CFDP1: variants seen among roughly 807,000 people sequenced by gnomAD.
CFDP1 encodes chromatin remodeling protein CFDP1, also known as heterochromatin-stabilizing protein CFDP1.
CFDP1 carries 31 observed loss-of-function variants against 40.1 expected under a neutral mutation model. The observed-to-expected ratio is 0.77, with a 90% confidence interval of 0.58 to 1.04. The LOEUF (loss-of-function observed/expected upper bound fraction) is 1.04. Ranked by LOEUF, CFDP1 falls within the 50% of genes least tolerant of loss-of-function variation. CFDP1 has a pLI of 0.00. For missense variants in CFDP1, 423 were observed against 343.4 expected (o/e 1.23, Z -1.83); for synonymous variants, 167 against 120.0 (o/e 1.39, Z -2.56).
At chr16:75,414,489 T>C (rs1218187779) in intron 2 of CFDP1, 89 bp downstream of exon 2, 1 of 773,792 alleles carries the variant, frequency 1.3e-6, no homozygotes, top group Non-Finnish European at 2.2e-6. Context: ...AACTCTGGCT[T>C]CATTAAATCT....
chr16:75,411,759 C>T (rs1384319447), intron 4 of CFDP1, 66 bp downstream of exon 4: 3 of 1,452,030 alleles, frequency 2.1e-6, no homozygotes, highest in East Asian at 2.3e-5. Flanking sequence ...AGATGGCTAA[C>T]ACCAGTTAGA....
At chr16:75,419,044 G>T in intron 1 of CFDP1, 1 of 415,362 alleles carries the variant, frequency 2.4e-6, no homozygotes, top group Non-Finnish European at 4.9e-6. Context: ...TGGGGAGGCT[G>T]AGGCAGGAGG....
In CFDP1 at chr16:75,293,945, C is replaced by T. The variant is rs753349696; in HGVS notation, c.*7G>A. On this transcript the variant is annotated 3_prime_UTR_variant, in exon 7 of 7. Coordinates refer to ENST00000283882, the MANE Select transcript of CFDP1 (RefSeq NM_006324.3). The stretch of plus-strand genomic sequence containing the variant: ...GGATTAAGCTGCTCTTGATTTAGCC[C>T]GTAACATCAAGGTTTCATTTTGCTC... 28 of 1,610,318 alleles carry T rather than the reference C, an allele frequency of 1.7e-5. No homozygotes were observed. Among genetic ancestry groups the T allele is most frequent in the Admixed American group, 1.2e-4 (7 of 59,986 alleles).
intron 5 of CFDP1, among the ~76,000 whole-genome samples, chr16:75,313,696 T>C (rs368704167): frequency 6.6e-6 from 1 of 152,362 alleles, no homozygotes; most frequent in Middle Eastern, 3.4e-3. Context: ...GGATGTTATA[T>C]GGTGAAACAT....
intron 5 of CFDP1, among the ~76,000 whole-genome samples, chr16:75,379,515 A>G (rs2151546509): frequency 6.6e-6 from 1 of 152,352 alleles, no homozygotes; most frequent in East Asian, 1.9e-4. Flanking sequence ...AATATGAAAG[A>G]GCCCTGTAAC....
chr16:75,425,107 T>C (rs1192444965), intron 1 of CFDP1, among the ~76,000 whole-genome samples: 5 of 152,104 alleles, frequency 3.3e-5, no homozygotes, highest in Admixed American at 6.6e-5. Flanking sequence ...ACTGTATTCA[T>C]AGACTAAAAT....
intron 4 of CFDP1, among the ~76,000 whole-genome samples, chr16:75,397,887 G>A (rs2079010729): frequency 6.6e-6 from 1 of 152,148 alleles, no homozygotes; most frequent in African/African-American, 2.4e-5. Context: ...TTGGATACAC[G>A]ACTTGCTACA....
intron 2 of CFDP1, among the ~76,000 whole-genome samples, chr16:75,413,784 A>C (rs1253388604): frequency 6.6e-6 from 1 of 152,186 alleles, no homozygotes; most frequent in Non-Finnish European, 1.5e-5. Context: ...AAGTTAAATA[A>C]CCTGTCAGAA....
intron 5 of CFDP1, among the ~76,000 whole-genome samples, chr16:75,351,696 G>A (rs895732048): frequency 2.0e-5 from 3 of 152,092 alleles, no homozygotes; most frequent in Non-Finnish European, 2.9e-5. Flanking sequence ...TATATGAATT[G>A]GGAAAATAAA....
At chr16:75,342,805 G>A (rs1353881483) in intron 5 of CFDP1, among the ~76,000 whole-genome samples, 1 of 152,212 alleles carries the variant, frequency 6.6e-6, no homozygotes, top group Non-Finnish European at 1.5e-5. Context: ...ATTTGGTACA[G>A]TCTGGAGAAA....
At chr16:75,375,728 T>C (rs1233800924) in intron 5 of CFDP1, among the ~76,000 whole-genome samples, 3 of 149,504 alleles carry the variant, frequency 2.0e-5, no homozygotes, top group East Asian at 2.0e-4. Flanking sequence ...GAGGTGGAGG[T>C]TGCAGTGAGC....
intron 5 of CFDP1, among the ~76,000 whole-genome samples, chr16:75,379,541 T>C (rs974173403): frequency 1.3e-5 from 2 of 152,144 alleles, no homozygotes; most frequent in African/African-American, 2.4e-5. Flanking sequence ...AGGAAACAAT[T>C]TGTCATTTAA....
At chr16:75,332,478 A>G (rs2078453203) in intron 5 of CFDP1, among the ~76,000 whole-genome samples, 1 of 151,642 alleles carries the variant, frequency 6.6e-6, no homozygotes, top group Non-Finnish European at 1.5e-5. Context: ...AATAAAAAGT[A>G]AAATAAAATA....
intron 1 of CFDP1, among the ~76,000 whole-genome samples, chr16:75,422,720 CAA>C (rs71380735): frequency 2.7e-5 from 4 of 147,032 alleles, no homozygotes; most frequent in African/African-American, 1.0e-4. Flanking sequence ...AAACTGTGAT[CAA>C]AAAAAAAACA....
intron 5 of CFDP1, among the ~76,000 whole-genome samples, chr16:75,354,644 C>G (rs2078635109): frequency 6.6e-6 from 1 of 152,070 alleles, no homozygotes; most frequent in African/African-American, 2.4e-5. Context: ...CTTTCCAACT[C>G]TTCTGTAAGT....
At chr16:75,392,318 T>C (rs1279694447) in intron 5 of CFDP1, among the ~76,000 whole-genome samples, 2 of 151,136 alleles carry the variant, frequency 1.3e-5, no homozygotes, top group African/African-American at 2.4e-5. Context: ...CGCAGGAGAA[T>C]GGCTTGAACC....
At chr16:75,355,283 C>A (rs1009166443) in intron 5 of CFDP1, among the ~76,000 whole-genome samples, 1 of 152,200 alleles carries the variant, frequency 6.6e-6, no homozygotes. Context: ...GTCACATTGA[C>A]TCCTCTTTCA....
intron 1 of CFDP1, among the ~76,000 whole-genome samples, chr16:75,419,663 AT>A (rs1338265887): frequency 6.6e-6 from 1 of 152,186 alleles, no homozygotes; most frequent in African/African-American, 2.4e-5. Flanking sequence ...TTGGCAGAAG[AT>A]ACAGGTCATA....
rs943196829 is a variant in CFDP1, at chr16:75,392,249, C to CA, written c.650+2840dup. On this transcript the variant is annotated intron_variant, in intron 5 of 6. Transcript: ENST00000283882. ...TGAAACCCCATCTCTACTAAAAATACAAAAAATTAGCCAGGCGTGGCAGCA... is the reference window on the plus strand; with the variant it reads ...TGAAACCCCATCTCTACTAAAAATACAAAAAAATTAGCCAGGCGTGGCAGCA... 6.5e-4 allele frequency among the ~76,000 whole-genome samples: 99 copies of CA among 151,312 alleles called. 1 individual carries two copies. The highest frequency in any genetic ancestry group is 5.9e-3 in the Admixed American group (90 of 15,214).
Sources: gnomAD v4.1 joint callset for allele counts (sites outside exome capture counted in the v4.1 genomes callset) on GRCh38, gnomAD v4.1.1 for gene constraint, MANE v1.5 for transcripts, NCBI Gene and HGNC (gene_info 2026-07-23, HGNC 2026-07-21) for gene names.